The following ITPR1 variants were observed in gnomAD, a reference collection of about 807,000 sequenced individuals.
The protein encoded by ITPR1 is inositol 1,4,5-trisphosphate-gated calcium channel ITPR1.
A neutral mutation model predicts 318.4 loss-of-function variants in ITPR1; 96 were observed. The ratio of observed to expected loss-of-function variants is 0.30; its 90% CI spans 0.26 to 0.36. The LOEUF is 0.36. Among genes scored for constraint, ITPR1 ranks in the 10% least tolerant of loss-of-function variants. The pLI, the probability that ITPR1 is intolerant of heterozygous loss-of-function variation, is 1.00. For missense variants in ITPR1, 2,440 were observed against 3,460.2 expected (o/e 0.71, Z 7.40); for synonymous variants, 1,312 against 1,289.9 (o/e 1.02, Z -0.37).
intron 8 of ITPR1, among the ~76,000 whole-genome samples, chr3:4,644,978 T>C (rs748516854): frequency 2.6e-5 from 4 of 152,256 alleles, no homozygotes; most frequent in Non-Finnish European, 4.4e-5. Context: ...GCTGCTGTTG[T>C]TAACAATGAT....
intron 13 of ITPR1, 138 bp from the exon 14 acceptor site, chr3:4,660,850 C>T: frequency 2.2e-6 from 1 of 450,344 alleles, no homozygotes; most frequent in Non-Finnish European, 4.0e-6. Context: ...ACCATTTGCC[C>T]CTTCGTGTAT....
At chr3:4,771,438 C>T (rs2046176685) in intron 46 of ITPR1, among the ~76,000 whole-genome samples, 1 of 152,210 alleles carries the variant, frequency 6.6e-6, no homozygotes, top group Admixed American at 6.5e-5. Flanking sequence ...TGGTATGGGC[C>T]TGCTCCGCCT....
chr3:4,547,873 C>T (rs979933578), intron 4 of ITPR1, among the ~76,000 whole-genome samples: 1 of 152,108 alleles, frequency 6.6e-6, no homozygotes, highest in South Asian at 2.1e-4. Flanking sequence ...GTGCGGAGGC[C>T]TTTGAGTATC....
chr3:4,812,426 G>C (rs2048997501), intron 56 of ITPR1, among the ~76,000 whole-genome samples: 1 of 152,028 alleles, frequency 6.6e-6, no homozygotes, highest in Non-Finnish European at 1.5e-5. Flanking sequence ...AGCTCTCTCT[G>C]GGGCTTTTTT....
At chr3:4,501,727 A>C (rs1282579344) in intron 2 of ITPR1, among the ~76,000 whole-genome samples, 1 of 152,310 alleles carries the variant, frequency 6.6e-6, no homozygotes, top group East Asian at 1.9e-4. Context: ...CTCTCCAACA[A>C]ACATGGGAAC....
Position 4,668,425 on chromosome 3 carries a change from A to G in ITPR1, c.1886+876A>G, listed in dbSNP as rs947587779. 2.1e-4 allele frequency among the ~76,000 whole-genome samples: 32 copies of G among 151,644 alleles called. 1 individual carries two copies. The highest frequency in any genetic ancestry group is 6.8e-4 in the African/African-American group (28 of 41,264). On this transcript the variant is annotated intron_variant, in intron 18 of 61. Coordinates refer to ENST00000649015, the MANE Select transcript of ITPR1 (RefSeq NM_001378452.1). ...TAGCATTATGACCTCCTCCAGTTCC[A>G]TCCATGTTGTTGCAAATGACTGGAT...
chr3:4,656,583 T>A lies in ITPR1; in HGVS notation c.997-1541T>A, dbSNP rs548545801. 3.6e-4 allele frequency among the ~76,000 whole-genome samples: 55 copies of A among 152,234 alleles called. 1 individual carries two copies. The highest frequency in any genetic ancestry group is 1.2e-3 in the African/African-American group (51 of 41,534). Reference sequence around the variant, plus strand: ...TTTTGGATATTAAAAGAACCTTTTTTAAAAAAACACACATAGAGGTTGGGG... The same window carrying A: ...TTTTGGATATTAAAAGAACCTTTTTAAAAAAAACACACATAGAGGTTGGGG... On this transcript the variant is annotated intron_variant, in intron 12 of 61. Coordinates refer to ENST00000649015, the MANE Select transcript of ITPR1 (RefSeq NM_001378452.1).
chr3:4,681,126 A>C (rs2094290410), intron 25 of ITPR1, among the ~76,000 whole-genome samples: 1 of 152,142 alleles, frequency 6.6e-6, no homozygotes, highest in South Asian at 2.1e-4. Context: ...AGCTTCCATG[A>C]GTGAGATCAT....
rs1195147178 is a variant in ITPR1, at chr3:4,838,890, CTACACT to C, written c.8190+1956_8190+1961del. 9.9e-5 allele frequency among the ~76,000 whole-genome samples: 15 copies of C among 152,238 alleles called. No individual in the cohort carries two copies. The South Asian group carries it at 1.4e-3, about 15-fold the overall frequency. The stretch of plus-strand genomic sequence containing the variant: ...GGTGGTAAAACCAGGCAACGCCTCC[CTACACT>C]ATCTGTCCTTTCAGAGCTAAGAATC... On this transcript the variant is annotated intron_variant, in intron 61 of 61. Coordinates refer to ENST00000649015, the MANE Select transcript of ITPR1 (RefSeq NM_001378452.1).
At chr3:4,823,660 A>T (rs1208198175) in intron 60 of ITPR1, among the ~76,000 whole-genome samples, 1 of 152,216 alleles carries the variant, frequency 6.6e-6, no homozygotes, top group Non-Finnish European at 1.5e-5. Context: ...AGAGACTGGG[A>T]AGAGTGAGTT....
Position 4,670,791 on chromosome 3 carries a change from CAGG to C in ITPR1, c.2072_2074del (p.Gly691del). The C allele has an allele frequency of 6.2e-7, 1 of 1,608,042 alleles. No individual in the cohort carries two copies. On this transcript the variant is annotated inframe_deletion, in exon 20 of 62. Transcript: ENST00000649015. ...TCCACTGGAGAGAATGCTCTGGAGGCAGGAGAAGACGAGGAAGAGGTGTGGCTG... is the reference window on the plus strand; with the variant it reads ...TCCACTGGAGAGAATGCTCTGGAGGCAGAAGACGAGGAAGAGGTGTGGCTG...
intron 45 of ITPR1, 110 bp downstream of exon 45, chr3:4,766,820 C>G: frequency 1.2e-6 from 1 of 851,730 alleles, no homozygotes; most frequent in Non-Finnish European, 1.7e-6. Flanking sequence ...ATGATGGGAG[C>G]TTTCAGAAGA....
chr3:4,668,783 C>T (rs1278375359), intron 18 of ITPR1, among the ~76,000 whole-genome samples: 1 of 152,138 alleles, frequency 6.6e-6, no homozygotes, highest in Non-Finnish European at 1.5e-5. Context: ...CTTTTTAGCA[C>T]CTCTTGCTTA....
At chr3:4,758,549 C>G (rs778230957) in intron 44 of ITPR1, among the ~76,000 whole-genome samples, 1 of 152,200 alleles carries the variant, frequency 6.6e-6, no homozygotes, top group African/African-American at 2.4e-5. Flanking sequence ...CCCTGAACTT[C>G]CTGAATTCTG....
intron 55 of ITPR1, among the ~76,000 whole-genome samples, chr3:4,808,568 C>CG (rs938996788): frequency 2.0e-5 from 3 of 152,128 alleles, no homozygotes; most frequent in Non-Finnish European, 4.4e-5. Context: ...CTGTGCTTTG[C>CG]GGGGGGATTT....
At chr3:4,744,933 CTT>C (rs1559817408) in intron 44 of ITPR1, among the ~76,000 whole-genome samples, 3 of 120,804 alleles carry the variant, frequency 2.5e-5, no homozygotes, top group African/African-American at 6.8e-5. Context: ...TCCTTCCTTC[CTT>C]CCTTCCTTCC....
At chr3:4,836,437 A>T (rs1337495622) in intron 60 of ITPR1, among the ~76,000 whole-genome samples, 1 of 152,148 alleles carries the variant, frequency 6.6e-6, no homozygotes, top group African/African-American at 2.4e-5. Context: ...ACAATTTTTT[A>T]AAAAAACCAA....
chr3:4,655,682 C>T (rs1345761098), intron 12 of ITPR1, among the ~76,000 whole-genome samples: 1 of 152,162 alleles, frequency 6.6e-6, no homozygotes, highest in Non-Finnish European at 1.5e-5. Flanking sequence ...ATCTCAGGCT[C>T]CCTCAGAGTT....
chr3:4,725,865 C>T (rs1302381981), intron 41 of ITPR1, among the ~76,000 whole-genome samples: 1 of 152,128 alleles, frequency 6.6e-6, no homozygotes, highest in Non-Finnish European at 1.5e-5. Context: ...AGACATTTAG[C>T]TGAGACATGT....
Sources: allele counts gnomAD v4.1 joint callset (sites outside exome capture counted in the v4.1 genomes callset), GRCh38; gene constraint gnomAD v4.1.1; transcripts MANE v1.5; gene names NCBI Gene and HGNC (gene_info 2026-07-23, HGNC 2026-07-21).